The following WDTC1 variants were observed in gnomAD, a reference collection of about 807,000 sequenced individuals.
WDTC1 encodes the protein WD and tetratricopeptide repeats protein 1.
In WDTC1, 12 loss-of-function variants were observed where a neutral mutation model predicts 76.0. The ratio of observed to expected loss-of-function variants is 0.16; its 90% CI spans 0.10 to 0.26. WDTC1 has a LOEUF of 0.26. Ranked by LOEUF, WDTC1 falls within the 10% of genes least tolerant of loss-of-function variation. The pLI is 1.00. For synonymous variants in WDTC1, 326 were observed against 350.8 expected, an observed-to-expected ratio of 0.93 and a Z score of 0.79; for missense variants, 511 against 908.8, an observed-to-expected ratio of 0.56 and a Z score of 5.63.
intron 5 of WDTC1, among the ~76,000 whole-genome samples, chr1:27,287,414 G>A (rs1006188620): frequency 2.6e-5 from 4 of 151,982 alleles, no homozygotes; most frequent in African/African-American, 9.7e-5. Flanking sequence ...CTGTTGCCCA[G>A]GCTGGAGTGC....
intron 6 of WDTC1, among the ~76,000 whole-genome samples, chr1:27,290,231 T>G: frequency 6.6e-6 from 1 of 151,968 alleles, no homozygotes; most frequent in East Asian, 1.9e-4. Flanking sequence ...ACAGACACGC[T>G]CCACCATGCT....
At chr1:27,294,461 A>G (rs896597456) in intron 8 of WDTC1, 53 bp from the exon 9 acceptor site, 1 of 1,496,790 alleles carries the variant, frequency 6.7e-7, no homozygotes, top group Non-Finnish European at 9.3e-7. Flanking sequence ...ACACAATCTC[A>G]TGCCCCTTTG....
chr1:27,252,529 T>C (rs1474677715), intron 1 of WDTC1, among the ~76,000 whole-genome samples: 1 of 152,086 alleles, frequency 6.6e-6, no homozygotes, highest in African/African-American at 2.4e-5. Flanking sequence ...TAAAGGTTAC[T>C]TGTGCCCAGG....
chr1:27,286,606 A>T (rs1462681203), intron 5 of WDTC1, among the ~76,000 whole-genome samples: 1 of 149,998 alleles, frequency 6.7e-6, no homozygotes, highest in African/African-American at 2.5e-5. Context: ...AGTAGCTGGG[A>T]CTACAGGCGC....
In WDTC1 at chr1:27,306,637, C is replaced by G. The variant is rs572417546; in HGVS notation, c.*254C>G. 8.4e-5 allele frequency: 46 copies of G among 545,594 alleles called. No homozygotes were observed. Among genetic ancestry groups the G allele is most frequent in the East Asian group, 7.6e-4 (24 of 31,550 alleles). 33.8% of individuals were successfully genotyped at this position (545,594 alleles called of 1,614,324 possible). ...GGGGACACCCCTCCATATGCCCCCC[C>G]CCATCTCCTGCTTTCATGTCCCTGG... On this transcript the variant is annotated 3_prime_UTR_variant, in exon 16 of 16. Coordinates refer to ENST00000319394, the MANE Select transcript of WDTC1 (RefSeq NM_001276252.2). This position sits in a 1 kb window ranked among gnomAD's most constrained non-coding sequence, Gnocchi z 5.0.
chr1:27,303,633 G>T lies in WDTC1; in HGVS notation c.1481G>T (p.Gly494Val), dbSNP rs554316857. Residue 494 changes from glycine to valine, a missense_variant, in exon 14 of 16, where the codon GGA becomes GTA. Physicochemically the swap from Gly to Val is moderately radical, Grantham distance 109. Coordinates refer to ENST00000319394, the MANE Select transcript of WDTC1 (RefSeq NM_001276252.2). The surrounding 1 kb of genome is among the most constrained non-coding windows in gnomAD (Gnocchi z 4.8). ...TCTCTGCCCCCAGAGGAGAAGAAGGGACCTGGTGGCGGCGCCCCAGTCCGC... is the reference window on the plus strand; with the variant it reads ...TCTCTGCCCCCAGAGGAGAAGAAGGTACCTGGTGGCGGCGCCCCAGTCCGC... Reference protein sequence around the residue: ...FSKNDGEEKKGPGGGAPVRLR... With the variant: ...FSKNDGEEKKVPGGGAPVRLR... The T allele has an allele frequency of 1.2e-6, 2 of 1,601,198 alleles. No individual in the cohort carries two copies. The highest frequency in any genetic ancestry group is 2.2e-5 in the South Asian group (2 of 89,300).
chr1:27,253,629 G>T (rs2012175101), intron 1 of WDTC1, among the ~76,000 whole-genome samples: 1 of 151,364 alleles, frequency 6.6e-6, no homozygotes, highest in African/African-American at 2.4e-5. Context: ...TTATAGGCGT[G>T]AGCCGCCACA....
In WDTC1 at chr1:27,301,265, G is replaced by T; in HGVS notation, c.1272G>T (p.Lys424Asn). ...ATGATGCCCTGAGGGACTGCCTCAA[G>T]GCCATCTCCCTAAACCCATGCCACC... ...DHYDALRDCL[K>N]AISLNPCHLK... Residue 424 changes from lysine to asparagine, a missense_variant, in exon 13 of 16, where the codon AAG becomes AAT. By Grantham distance (94) the Lys-to-Asn change is moderately conservative. Transcript: ENST00000319394. The surrounding 1 kb of genome is among the most constrained non-coding windows in gnomAD (Gnocchi z 5.8). 1.2e-6 allele frequency: 2 copies of T among 1,614,136 alleles called. No individual in the cohort carries two copies. The highest frequency in any genetic ancestry group is 1.7e-5 in the Admixed American group (1 of 60,022).
intron 1 of WDTC1, among the ~76,000 whole-genome samples, chr1:27,251,321 A>G (rs865887636): frequency 6.6e-6 from 1 of 152,044 alleles, no homozygotes; most frequent in African/African-American, 2.4e-5. Context: ...GGCATTTTAG[A>G]GCTCCAGGAA....
rs764585500 is a variant in WDTC1 at position 27,274,545 on chromosome 1, A to G, written c.133-7694A>G. 2.0e-5 allele frequency among the ~76,000 whole-genome samples: 3 copies of G among 152,232 alleles called. No homozygotes were observed. The highest frequency in any genetic ancestry group is 7.2e-5 in the African/African-American group (3 of 41,460). ...GAGAGCCAGAAGGGAGGTTGAGATT[A>G]AACAATTTAAATTTAAATTAATGAG... On this transcript the variant is annotated intron_variant, in intron 3 of 15. Coordinates refer to ENST00000319394, the MANE Select transcript of WDTC1 (RefSeq NM_001276252.2). The surrounding 1 kb of genome is among the most constrained non-coding windows in gnomAD (Gnocchi z 4.2).
Position 27,306,620 on chromosome 1 carries a change from C to G in WDTC1, c.*237C>G. 1.7e-6 allele frequency: 1 copy of G among 576,896 alleles called. No individual in the cohort carries two copies. The highest frequency in any genetic ancestry group is 2.1e-5 in the South Asian group (1 of 47,230). The allele number at this position is 576,896 out of a possible 1,614,324, so 35.7% of individuals were successfully genotyped here. A position where few individuals can be genotyped will look rare whatever the true frequency, so the allele number is the denominator to read the frequency against. On this transcript the variant is annotated 3_prime_UTR_variant, in exon 16 of 16. Coordinates refer to ENST00000319394, the MANE Select transcript of WDTC1 (RefSeq NM_001276252.2). This position sits in a 1 kb window ranked among gnomAD's most constrained non-coding sequence, Gnocchi z 5.0. ...TGAAAAAAAGAGCAGGAGGGGACAC[C>G]CCTCCATATGCCCCCCCCCATCTCC... is the stretch of plus-strand genomic sequence containing the variant.
chr1:27,277,062 T>G (rs2013052687), intron 3 of WDTC1, among the ~76,000 whole-genome samples: 2 of 151,960 alleles, frequency 1.3e-5, no homozygotes. Flanking sequence ...ATATGGGATC[T>G]GTCTCTGTAA....
chr1:27,252,975 G>T (rs1449243840), intron 1 of WDTC1, among the ~76,000 whole-genome samples: 1 of 150,872 alleles, frequency 6.6e-6, no homozygotes. Flanking sequence ...TATAGAGAAG[G>T]TTTAACTTAT....
At chr1:27,276,559 G>C (rs1235708942) in intron 3 of WDTC1, among the ~76,000 whole-genome samples, 1 of 151,994 alleles carries the variant, frequency 6.6e-6, no homozygotes, top group Admixed American at 6.6e-5. Context: ...CAGGTGTGGT[G>C]GCACACACCT....
chr1:27,240,215 T>C (rs921665750), intron 1 of WDTC1, among the ~76,000 whole-genome samples: 5 of 152,152 alleles, frequency 3.3e-5, no homozygotes, highest in Admixed American at 6.5e-5. Flanking sequence ...ATGTCTCTTA[T>C]AATCTTCAGA....
rs767124082 is a variant in WDTC1, at chr1:27,287,763, C to A, written c.381C>A (p.Ile127=). The part of the protein sequence containing the change: ...HVHDLTVKET[I]HMFGDHTNRV... The stretch of plus-strand genomic sequence containing the variant: ...ACGACCTGACAGTAAAGGAGACCAT[C>A]CACATGTTTGGAGACCACACAAACC... The change falls in exon 6 of 16, where the codon ATC becomes ATA. Residue 127 remains isoleucine, a synonymous_variant. Transcript: ENST00000319394. 1 of 1,614,138 alleles carries A rather than the reference C, an allele frequency of 6.2e-7. No homozygotes were observed.
intron 2 of WDTC1, among the ~76,000 whole-genome samples, chr1:27,262,687 C>T (rs1414915526): frequency 6.6e-6 from 1 of 152,256 alleles, no homozygotes; most frequent in South Asian, 2.1e-4. Context: ...CCATGCCCAG[C>T]CCCTGAATCC....
intron 3 of WDTC1, among the ~76,000 whole-genome samples, 177 bp from the exon 4 acceptor site, chr1:27,282,062 T>G (rs1362224280): frequency 6.6e-6 from 1 of 152,220 alleles, no homozygotes; most frequent in African/African-American, 2.4e-5. Context: ...AATATGAAAG[T>G]ACTTTATATA....
Position 27,287,723 on chromosome 1 carries a change from C to T in WDTC1, c.341C>T (p.Ser114Phe). The T allele has an allele frequency of 6.2e-7, 1 of 1,614,120 alleles. No homozygotes were observed. The highest frequency in any genetic ancestry group is 8.5e-7 in the Non-Finnish European group (1 of 1,180,004). ...ATCTTGATCACGGGGGCAGCCGACT[C>T]TAAGGTGCATGTGCACGACCTGACA... ...DRILITGAAD[S>F]KVHVHDLTVK... is the part of the protein sequence containing the mutation. The change falls in exon 6 of 16, where the codon TCT (serine) becomes TTT (phenylalanine). Residue 114 changes from serine to phenylalanine, a missense_variant. Physicochemically the swap from Ser to Phe is radical, Grantham distance 155. Transcript: ENST00000319394.
Sources: allele counts gnomAD v4.1 joint callset (sites outside exome capture counted in the v4.1 genomes callset), GRCh38; gene constraint gnomAD v4.1.1; non-coding constraint Gnocchi (gnomAD v3.1); transcripts MANE v1.5; gene names NCBI Gene and HGNC (gene_info 2026-07-23, HGNC 2026-07-21).